Variants in GPC6 observed in about 807,000 individuals in gnomAD.
GPC6 encodes the protein glypican 6.
Under a neutral mutation model 55.2 loss-of-function variants are expected in GPC6, and 14 were observed. The observed-to-expected ratio is 0.25, with a 90% CI of 0.17 to 0.40. The LOEUF (loss-of-function observed/expected upper bound fraction) is 0.40. GPC6 is among the 10% of genes least tolerant of loss of function. The pLI is 1.00. For missense variants in GPC6, 641 were observed against 708.5 expected (o/e 0.90, Z 1.08); for synonymous variants, 278 against 259.6 (o/e 1.07, Z -0.68).
chr13:93,308,002 AGGCCGGGCACG>A (rs1878929019), intron 1 of GPC6, among the ~76,000 whole-genome samples: 1 of 152,050 alleles, frequency 6.6e-6, no homozygotes, highest in Non-Finnish European at 1.5e-5. Context: ...ATGGTGGCTC[AGGCCGGGCACG>A]GTGGCTCACG....
intron 1 of GPC6, among the ~76,000 whole-genome samples, chr13:93,433,827 A>G (rs1175117197): frequency 6.6e-6 from 1 of 152,106 alleles, no homozygotes; most frequent in Non-Finnish European, 1.5e-5. Flanking sequence ...ATTATAGGAC[A>G]TGAATTTTTA....
chr13:93,476,956 C>T (rs916360764), intron 1 of GPC6, among the ~76,000 whole-genome samples: 2 of 151,984 alleles, frequency 1.3e-5, no homozygotes, highest in African/African-American at 4.8e-5. Context: ...ATGTTATAAT[C>T]CACTTAAAAA....
In GPC6 at chr13:93,302,375, C is replaced by T. The variant is rs141542428; in HGVS notation, c.160+74759C>T. 4.2e-3 allele frequency among the ~76,000 whole-genome samples: 637 copies of T among 152,314 alleles called. 7 individuals are homozygous for T. The highest frequency in any genetic ancestry group is 2.3e-3 in the Non-Finnish European group (155 of 68,028). On this transcript the variant is annotated intron_variant, in intron 1 of 8. Coordinates refer to ENST00000377047, the MANE Select transcript of GPC6 (RefSeq NM_005708.5). Reference sequence around the variant, plus strand: ...CATTCTGGTTACCCTCTAGTCCTAACATCCTTCTCCAAAGGATTTCCACAT... The same window carrying T: ...CATTCTGGTTACCCTCTAGTCCTAATATCCTTCTCCAAAGGATTTCCACAT...
At chr13:93,775,823 T>C (rs1319352590) in intron 2 of GPC6, among the ~76,000 whole-genome samples, 1 of 148,554 alleles carries the variant, frequency 6.7e-6, no homozygotes, top group Non-Finnish European at 1.5e-5. Context: ...ACAAACCAAT[T>C]TCAACAGAGT....
Position 94,306,025 on chromosome 13 carries a change from T to C in GPC6, c.1054T>C (p.Ser352Pro), listed in dbSNP as rs1404138082. The part of the protein sequence containing the change: ...GQPKPAPALR[S>P]ARSAPENFNT... ...GCCCAAACCTGCTCCAGCCCTCAGA[T>C]CTGCCCGCTCAGCTCCTGAAAATTT... The change falls in exon 6 of 9, where the codon TCT becomes CCT. Residue 352 changes from serine to proline, a missense_variant. By Grantham distance (74) the Ser-to-Pro change is moderately conservative (BLOSUM62 -1). Transcript: ENST00000377047. 2 of 1,614,074 alleles carry C rather than the reference T, an allele frequency of 1.2e-6. No homozygotes were observed. The highest frequency in any genetic ancestry group is 1.7e-6 in the Non-Finnish European group (2 of 1,180,022).
chr13:93,651,758 C>A (rs973966865), intron 2 of GPC6, among the ~76,000 whole-genome samples: 1 of 152,078 alleles, frequency 6.6e-6, no homozygotes, highest in Non-Finnish European at 1.5e-5. Flanking sequence ...AGGTATGTTG[C>A]TCCACAAGCC....
At chr13:94,366,632 G>A (rs1224541567) in intron 6 of GPC6, among the ~76,000 whole-genome samples, 1 of 152,188 alleles carries the variant, frequency 6.6e-6, no homozygotes, top group Admixed American at 6.5e-5. Context: ...CATATCTAAT[G>A]ACCTAATTTA....
chr13:93,748,564 G>T (rs1050494321), intron 2 of GPC6, among the ~76,000 whole-genome samples: 9 of 151,808 alleles, frequency 5.9e-5, no homozygotes, highest in African/African-American at 2.2e-4. Flanking sequence ...GAATTTTGCC[G>T]TTTATGGCTT....
At chr13:94,034,241 GA>G (rs1169946373) in intron 4 of GPC6, among the ~76,000 whole-genome samples, 35 of 151,268 alleles carry the variant, frequency 2.3e-4, no homozygotes, top group African/African-American at 8.0e-4. Context: ...AGGAAGGAAG[GA>G]AGGAAGGAAA....
intron 4 of GPC6, among the ~76,000 whole-genome samples, chr13:94,106,593 A>G (rs989272193): frequency 6.6e-6 from 1 of 152,022 alleles, no homozygotes; most frequent in South Asian, 2.1e-4. Flanking sequence ...GAGACGAGCA[A>G]TGCATATTAT....
chr13:93,626,733 C>T (rs1879216955), intron 2 of GPC6, among the ~76,000 whole-genome samples: 2 of 149,002 alleles, frequency 1.3e-5, no homozygotes, highest in East Asian at 2.0e-4. Context: ...ACCCGGGAGG[C>T]GGAGGTTGCA....
At chr13:94,085,825 T>A (rs1230260381) in intron 4 of GPC6, among the ~76,000 whole-genome samples, 1 of 152,156 alleles carries the variant, frequency 6.6e-6, no homozygotes, top group Non-Finnish European at 1.5e-5. Flanking sequence ...TGCTCTACAT[T>A]CTCTTAAATA....
chr13:93,888,270 A>G (rs1420765420), intron 3 of GPC6, among the ~76,000 whole-genome samples: 1 of 152,134 alleles, frequency 6.6e-6, no homozygotes, highest in African/African-American at 2.4e-5. Context: ...GCGCAAATTT[A>G]TGAAGTTTGT....
chr13:93,600,227 G>A (rs763125460), intron 2 of GPC6, among the ~76,000 whole-genome samples: 5 of 152,178 alleles, frequency 3.3e-5, no homozygotes, highest in African/African-American at 9.7e-5. Context: ...CAGTTACTAA[G>A]CATCAAGGAT....
At chr13:94,337,746 A>T (rs1877792996) in intron 6 of GPC6, among the ~76,000 whole-genome samples, 1 of 152,150 alleles carries the variant, frequency 6.6e-6, no homozygotes, top group South Asian at 2.1e-4. Flanking sequence ...TGATATACTT[A>T]AAAAGGTAGT....
intron 1 of GPC6, among the ~76,000 whole-genome samples, chr13:93,539,160 A>C (rs1394632317): frequency 1.3e-5 from 2 of 152,136 alleles, no homozygotes; most frequent in Non-Finnish European, 2.9e-5. Flanking sequence ...TTGTCCTTAT[A>C]ATTTGGGCTT....
chr13:93,668,467 C>A (rs941734749), intron 2 of GPC6, among the ~76,000 whole-genome samples: 3 of 152,140 alleles, frequency 2.0e-5, no homozygotes, highest in Non-Finnish European at 4.4e-5. Context: ...CCTATGAATA[C>A]GACCTTATTT....
At chr13:94,040,980 T>C (rs575770512) in intron 4 of GPC6, among the ~76,000 whole-genome samples, 13 of 151,866 alleles carry the variant, frequency 8.6e-5, no homozygotes, top group Non-Finnish European at 1.8e-4. Context: ...TGCCTCACAA[T>C]TGAAAAACAT....
chr13:93,293,614 T>C (rs1878387581), intron 1 of GPC6, among the ~76,000 whole-genome samples: 1 of 152,210 alleles, frequency 6.6e-6, no homozygotes, highest in South Asian at 2.1e-4. Flanking sequence ...GATGGGTGAT[T>C]TATATAATGG....
Sources: allele counts gnomAD v4.1 joint callset (sites outside exome capture counted in the v4.1 genomes callset), GRCh38; gene constraint gnomAD v4.1.1; transcripts MANE v1.5; gene names NCBI Gene and HGNC (gene_info 2026-07-23, HGNC 2026-07-21).